Variants in NEBL observed in about 807,000 individuals in gnomAD.
NEBL encodes LIM and SH3 protein 2.
NEBL carries 122 observed loss-of-function variants against 140.2 expected under a neutral mutation model. The ratio of observed to expected loss-of-function variants is 0.87; its 90% confidence interval spans 0.75 to 1.01. The LOEUF (loss-of-function observed/expected upper bound fraction) is 1.01, where lower values mean the gene tolerates loss of function less well. Among genes scored for constraint, NEBL ranks in the 50% least tolerant of loss-of-function variants. The pLI, the probability that NEBL is intolerant of heterozygous loss-of-function variation, is 0.00. For missense variants in NEBL, 1,365 were observed against 1,231.3 expected (o/e 1.11, Z -1.62); for synonymous variants, 436 against 398.9 (o/e 1.09, Z -1.11).
At position 21,287,583 on chromosome 10, in the gene NEBL, A is replaced by G. The variant is rs139824498; in HGVS notation, n.182+5247T>C. ...GAAAGTATGTTCAACTCTACATACA[A>G]TAAGAGAAATGCAAGTAAAATTAAA... On this transcript the variant is annotated intron_variant and non_coding_transcript_variant, in intron 1 of 8. Coordinates refer to the NEBL transcript ENST00000675702. Among the ~76,000 whole-genome samples the G allele has an allele frequency of 3.1e-3, 472 of 152,332 alleles. 1 individual carries two copies. The highest frequency in any genetic ancestry group is 9.8e-3 in the African/African-American group (409 of 41,568).
At chr10:21,233,056 G>C (rs11596876) in intron 3 of NEBL, among the ~76,000 whole-genome samples, 2 of 152,072 alleles carry the variant, frequency 1.3e-5, no homozygotes, top group Non-Finnish European at 2.9e-5. Flanking sequence ...TCCTATCTTA[G>C]GTTCAACCAC....
chr10:20,999,961 C>T (rs557845028), intron 3 of NEBL, among the ~76,000 whole-genome samples: 7 of 151,862 alleles, frequency 4.6e-5, no homozygotes, highest in East Asian at 1.9e-4. Context: ...ATAATCAAGA[C>T]GACGCCAGTA....
At chr10:21,069,899 T>C in intron 2 of NEBL, 1 of 425,890 alleles carries the variant, frequency 2.3e-6, no homozygotes, top group Non-Finnish European at 4.7e-6. Flanking sequence ...ATAAGTCTTC[T>C]GCAATTTTCC....
In NEBL at chr10:20,781,671, A is replaced by G. The variant is rs1027957372; in HGVS notation, c.*4076T>C. The G allele has an allele frequency of 1.3e-5, 2 of 152,604 alleles. No individual in the cohort carries two copies. The highest frequency in any genetic ancestry group is 2.9e-5 in the Non-Finnish European group (2 of 68,030). 9.5% of individuals were successfully genotyped at this position (152,604 alleles called of 1,614,324 possible). ...TTTGCTCAAAGATTCTTCCAAGTTT[A>G]TGGGTTCAAGTAGTCTAAGCATCAC... On this transcript the variant is annotated 3_prime_UTR_variant, in exon 28 of 28. Transcript: ENST00000377122.
chr10:21,126,473 GA>G (rs887089164), intron 2 of NEBL, among the ~76,000 whole-genome samples: 15 of 151,802 alleles, frequency 9.9e-5, no homozygotes, highest in Non-Finnish European at 1.8e-4. Flanking sequence ...TCTAAAGAGG[GA>G]AAAAAACAAA....
upstream of NEBL, chr10:20,899,230 A>G (rs1321479346): frequency 3.1e-6 from 1 of 322,914 alleles, no homozygotes; most frequent in Non-Finnish European, 6.2e-6. Flanking sequence ...AATAGGGAGG[A>G]GTAATTTCTG....
intron 3 of NEBL, among the ~76,000 whole-genome samples, chr10:21,236,855 G>C (rs1458866548): frequency 1.3e-5 from 2 of 152,130 alleles, no homozygotes; most frequent in Non-Finnish European, 2.9e-5. Context: ...GTCAGGAACA[G>C]TTCCAAGAGT....
At chr10:21,088,576 G>A (rs1311260434) in intron 2 of NEBL, among the ~76,000 whole-genome samples, 1 of 152,142 alleles carries the variant, frequency 6.6e-6, no homozygotes, top group Non-Finnish European at 1.5e-5. Flanking sequence ...GCCACTCTGA[G>A]TGCAGCCAGG....
At chr10:20,829,477 C>T (rs1191757566) in intron 16 of NEBL, among the ~76,000 whole-genome samples, 5 of 151,626 alleles carry the variant, frequency 3.3e-5, no homozygotes, top group Non-Finnish European at 5.9e-5. Flanking sequence ...AGGAGATATA[C>T]CTAATGCTAG....
chr10:21,210,216 A>G (rs916383287), intron 3 of NEBL, among the ~76,000 whole-genome samples: 3 of 152,094 alleles, frequency 2.0e-5, no homozygotes, highest in African/African-American at 7.2e-5. Flanking sequence ...ACATGGTGAA[A>G]CCCTGTCTCT....
intron 22 of NEBL, among the ~76,000 whole-genome samples, chr10:20,814,617 T>TACATACACACACACAC (rs1554775383): frequency 4.8e-5 from 7 of 146,418 alleles, no homozygotes; most frequent in African/African-American, 1.8e-4. Context: ...CATACACACA[T>TACATACACACACACAC]ACACACACAC....
chr10:21,039,445 T>C lies in NEBL; in HGVS notation c.165-19244A>G, dbSNP rs139787423. Among the ~76,000 whole-genome samples, 1,106 of 152,336 alleles carry C rather than the reference T, an allele frequency of 7.3e-3. 48 individuals carry two copies. In the East Asian group the frequency reaches 0.1, roughly 14 times the overall value. Reference sequence around the variant, plus strand: ...TCCAGTTTCTGTTTCTGCATATGGCTAGCCAGTTTTCCCAGCACCATTTAT... The same window carrying C: ...TCCAGTTTCTGTTTCTGCATATGGCCAGCCAGTTTTCCCAGCACCATTTAT... On this transcript the variant is annotated intron_variant, in intron 2 of 6. Transcript: ENST00000417816.
At chr10:20,832,643 T>C (rs1449487548) in intron 14 of NEBL, among the ~76,000 whole-genome samples, 2 of 152,170 alleles carry the variant, frequency 1.3e-5, no homozygotes, top group African/African-American at 4.8e-5. Flanking sequence ...CCAATTAAAT[T>C]TGCTTTAAAA....
chr10:21,051,869 T>C (rs1834794126), intron 2 of NEBL, among the ~76,000 whole-genome samples: 1 of 152,086 alleles, frequency 6.6e-6, no homozygotes, highest in African/African-American at 2.4e-5. Context: ...AGTATTTAAT[T>C]TAACTGAAAA....
intron 4 of NEBL, among the ~76,000 whole-genome samples, chr10:20,916,625 G>A (rs1848568848): frequency 1.3e-5 from 2 of 152,140 alleles, no homozygotes; most frequent in African/African-American, 4.8e-5. Context: ...GGCCAGGCTG[G>A]TCATGAACTG....
chr10:21,019,638 G>T (rs1289079224), intron 3 of NEBL, among the ~76,000 whole-genome samples: 1 of 152,172 alleles, frequency 6.6e-6, no homozygotes, highest in East Asian at 1.9e-4. Context: ...TCTCATCTTT[G>T]TTCATGCTGT....
intron 26 of NEBL, among the ~76,000 whole-genome samples, chr10:20,794,461 A>G (rs1192023858): frequency 6.6e-6 from 1 of 152,194 alleles, no homozygotes; most frequent in East Asian, 1.9e-4. Flanking sequence ...ATAGTGATAA[A>G]ACAATTATCG....
chr10:21,020,742 G>T (rs936801121), intron 2 of NEBL, among the ~76,000 whole-genome samples: 1 of 152,058 alleles, frequency 6.6e-6, no homozygotes, highest in African/African-American at 2.4e-5. Flanking sequence ...GTCTCCCCGG[G>T]TTTACACACA....
intron 3 of NEBL, among the ~76,000 whole-genome samples, chr10:20,981,713 C>T (rs1832678): frequency 0.16 from 24,867 of 152,128 alleles, 3,504 homozygotes; most frequent in East Asian, 0.38. Context: ...AGGGGCCTCT[C>T]TTCCACTGGA....
Sources: gnomAD v4.1 joint callset for allele counts (sites outside exome capture counted in the v4.1 genomes callset) on GRCh38, gnomAD v4.1.1 for gene constraint, MANE v1.5 for transcripts, NCBI Gene and HGNC (gene_info 2026-07-23, HGNC 2026-07-21) for gene names.